MED12L: variants seen among roughly 807,000 people sequenced by gnomAD.
MED12L encodes the protein mediator complex subunit 12L, also known as mediator of RNA polymerase II transcription subunit 12-like protein.
MED12L carries 60 observed loss-of-function variants against 281.3 expected under a neutral mutation model. The observed-to-expected ratio is 0.21, with a 90% CI of 0.17 to 0.26. MED12L has a LOEUF of 0.26. Ranked by LOEUF, MED12L falls within the 10% of genes least tolerant of loss-of-function variation. The pLI is 1.00. For synonymous variants in MED12L, 974 were observed against 987.2 expected (o/e 0.99, Z 0.25); for missense variants, 2,146 against 2,680.9 (o/e 0.80, Z 4.41).
chr3:151,251,232 G>T (rs761351316), intron 16 of MED12L, among the ~76,000 whole-genome samples: 4 of 152,058 alleles, frequency 2.6e-5, no homozygotes, highest in African/African-American at 7.2e-5. Flanking sequence ...GTTGTTCCTT[G>T]CACCTTTCTA....
intron 16 of MED12L, among the ~76,000 whole-genome samples, chr3:151,318,755 G>A (rs1748616749): frequency 6.6e-6 from 1 of 152,286 alleles, no homozygotes; most frequent in South Asian, 2.1e-4. Context: ...GGGCCCTACT[G>A]TGAAAGGGTT....
intron 16 of MED12L, among the ~76,000 whole-genome samples, chr3:151,306,654 G>A (rs749036677): frequency 2.6e-5 from 4 of 152,186 alleles, no homozygotes; most frequent in Admixed American, 1.3e-4. Context: ...GGCATGGGTG[G>A]GGAGTCATTT....
chr3:151,259,146 G>T (rs138705017), intron 16 of MED12L, among the ~76,000 whole-genome samples: 156 of 152,298 alleles, frequency 1.0e-3, no homozygotes, highest in African/African-American at 3.3e-3. Context: ...ACCTAAGGTG[G>T]TGCCTCTGCA....
intron 16 of MED12L, among the ~76,000 whole-genome samples, chr3:151,248,051 T>C (rs1736075446): frequency 6.7e-6 from 1 of 150,118 alleles, no homozygotes. Flanking sequence ...TCTATTAGTC[T>C]AGATTTTTGG....
chr3:151,164,718 A>T (rs1193316185), intron 9 of MED12L, among the ~76,000 whole-genome samples: 1 of 152,172 alleles, frequency 6.6e-6, no homozygotes, highest in Non-Finnish European at 1.5e-5. Context: ...ATGAAGCTGG[A>T]AACCATCATT....
intron 16 of MED12L, among the ~76,000 whole-genome samples, chr3:151,196,441 GAA>G (rs1045493998): frequency 1.3e-5 from 2 of 152,250 alleles, no homozygotes; most frequent in East Asian, 1.9e-4. Flanking sequence ...ATATGGTTAA[GAA>G]AAGTGTTTTC....
At chr3:151,107,638 A>G (rs1164075660) in intron 2 of MED12L, among the ~76,000 whole-genome samples, 1 of 152,226 alleles carries the variant, frequency 6.6e-6, no homozygotes, top group African/African-American at 2.4e-5. Flanking sequence ...GTGGGATGGC[A>G]TATAATAAAA....
At position 151,350,178 on chromosome 3, in the gene MED12L, A is replaced by G. The variant is rs1422414592; in HGVS notation, c.2370A>G (p.Leu790=). 5 of 1,613,744 alleles carry G rather than the reference A, an allele frequency of 3.1e-6. No individual in the cohort carries two copies. The highest frequency in any genetic ancestry group is 1.7e-5 in the Admixed American group (1 of 59,996). The part of the protein sequence containing the change: ...KKITKDILKI[L]NKKSTTETGV... ...TTACCAAAGATATCCTGAAAATTCT[A>G]AATAAGAAGAGCACCACAGAGACAG... The change falls in exon 17 of 45, where the codon CTA becomes CTG. Residue 790 remains leucine, a synonymous_variant. Coordinates refer to ENST00000687756, the MANE Select transcript of MED12L (RefSeq NM_001393769.1).
At chr3:151,109,433 T>C (rs1272326562) in intron 2 of MED12L, among the ~76,000 whole-genome samples, 1 of 152,242 alleles carries the variant, frequency 6.6e-6, no homozygotes, top group Non-Finnish European at 1.5e-5. Context: ...TTCTGGACTT[T>C]GGTTTCTGTT....
intron 16 of MED12L, among the ~76,000 whole-genome samples, chr3:151,258,683 C>G (rs1400438791): frequency 6.6e-6 from 1 of 151,994 alleles, no homozygotes; most frequent in Non-Finnish European, 1.5e-5. Context: ...AACCCCGTCT[C>G]TACTAAAAAT....
At chr3:151,385,804 A>G (rs961435702) in intron 36 of MED12L, among the ~76,000 whole-genome samples, 1 of 152,182 alleles carries the variant, frequency 6.6e-6, no homozygotes, top group Non-Finnish European at 1.5e-5. Flanking sequence ...ATTCCTATCA[A>G]GCAGTATTTA....
intron 16 of MED12L, among the ~76,000 whole-genome samples, chr3:151,286,607 A>G (rs1743539094): frequency 6.6e-6 from 1 of 152,186 alleles, no homozygotes. Flanking sequence ...GGAGCTTCTC[A>G]TTGATGAAAT....
chr3:151,328,353 C>A (rs1328540438), intron 16 of MED12L: 7 of 1,612,708 alleles, frequency 4.3e-6, no homozygotes, highest in Non-Finnish European at 5.1e-6. Context: ...GAATCATATA[C>A]TTTTTTTGCA....
intron 20 of MED12L, 40 bp from the exon 21 acceptor site, chr3:151,360,433 AC>A: frequency 4.4e-6 from 7 of 1,589,990 alleles, no homozygotes; most frequent in Non-Finnish European, 5.2e-6. Flanking sequence ...CCCACATAGT[AC>A]AAATCTATGT....
chr3:151,238,586 G>A (rs1278943218), intron 16 of MED12L, among the ~76,000 whole-genome samples: 4 of 152,102 alleles, frequency 2.6e-5, no homozygotes. Context: ...TTGCACTGAT[G>A]GTGCAAAAGC....
chr3:151,294,374 A>AT (rs1744762127), intron 16 of MED12L: 2 of 1,614,018 alleles, frequency 1.2e-6, no homozygotes, highest in Non-Finnish European at 1.7e-6. Context: ...GTAATATAGG[A>AT]TTTTTTGTGC....
At chr3:151,151,187 G>A (rs1338588966) in intron 5 of MED12L, among the ~76,000 whole-genome samples, 4 of 151,454 alleles carry the variant, frequency 2.6e-5, no homozygotes, top group African/African-American at 7.3e-5. Context: ...ACAGGCGCCC[G>A]CCACCACACC....
chr3:151,239,450 A>C (rs938637737), intron 16 of MED12L, among the ~76,000 whole-genome samples: 3 of 152,234 alleles, frequency 2.0e-5, no homozygotes, highest in Non-Finnish European at 2.9e-5. Context: ...TGGACATGGA[A>C]GTGGATATGA....
intron 5 of MED12L, among the ~76,000 whole-genome samples, chr3:151,153,066 A>T (rs1165786030): frequency 6.6e-6 from 1 of 152,214 alleles, no homozygotes; most frequent in Non-Finnish European, 1.5e-5. Flanking sequence ...CATATACTAG[A>T]GCAAGGCACA....
Sources: gnomAD v4.1 joint callset for allele counts (sites outside exome capture counted in the v4.1 genomes callset) on GRCh38, gnomAD v4.1.1 for gene constraint, MANE v1.5 for transcripts, NCBI Gene and HGNC (gene_info 2026-07-23, HGNC 2026-07-21) for gene names.